ZNF804B: variants seen among roughly 807,000 people sequenced by gnomAD.
The protein encoded by ZNF804B is zinc finger protein 804B, also known as zinc finger 804B.
Under a neutral mutation model 101.4 loss-of-function variants are expected in ZNF804B, and 80 were observed. The ratio of observed to expected loss-of-function variants is 0.79; its 90% confidence interval spans 0.66 to 0.95. The LOEUF (loss-of-function observed/expected upper bound fraction) is 0.95, where lower values mean the gene tolerates loss of function less well. Ranked by LOEUF, ZNF804B falls within the 40% of genes least tolerant of loss-of-function variation. ZNF804B has a pLI of 0.00. For synonymous variants in ZNF804B, 622 were observed against 558.8 expected (o/e 1.11, Z -1.59); for missense variants, 1,673 against 1,561.9 (o/e 1.07, Z -1.20).
chr7:89,039,817 T>C (rs1295179713), intron 1 of ZNF804B, among the ~76,000 whole-genome samples: 1 of 152,144 alleles, frequency 6.6e-6, no homozygotes, highest in East Asian at 1.9e-4. Context: ...TCTCCTGGAG[T>C]GCATGGTTAC....
intron 1 of ZNF804B, among the ~76,000 whole-genome samples, chr7:88,824,402 C>T (rs987144156): frequency 2.5e-4 from 38 of 152,152 alleles, no homozygotes; most frequent in Non-Finnish European, 1.5e-4. Context: ...GAAGGACATG[C>T]TTCCTGTTCC....
intron 1 of ZNF804B, among the ~76,000 whole-genome samples, chr7:89,044,521 A>T (rs184121182): frequency 6.6e-6 from 1 of 152,280 alleles, no homozygotes; most frequent in East Asian, 1.9e-4. Flanking sequence ...AAGATAAGAA[A>T]ATATGGGAAA....
At chr7:89,106,241 T>C (rs1790134940) in intron 1 of ZNF804B, among the ~76,000 whole-genome samples, 1 of 152,190 alleles carries the variant, frequency 6.6e-6, no homozygotes, top group African/African-American at 2.4e-5. Context: ...ATTTGTGATA[T>C]ATCACTTACT....
chr7:89,230,236 ACT>A lies in ZNF804B; in HGVS notation c.249+11946_249+11947del, dbSNP rs1789168646. 3.3e-5 allele frequency among the ~76,000 whole-genome samples: 5 copies of A among 151,860 alleles called. No individual in the cohort carries two copies. The South Asian group carries it at 1.0e-3, about 32-fold the overall frequency. On this transcript the variant is annotated intron_variant, in intron 2 of 3. Coordinates refer to ENST00000333190, the MANE Select transcript of ZNF804B (RefSeq NM_181646.5). ...TGAAAATCAATGAAACTAAAAGCTG[ACT>A]CTCTTAAAAAGATACAGTTAATGTA...
chr7:89,240,736 C>A (rs1789356132), intron 2 of ZNF804B, among the ~76,000 whole-genome samples: 2 of 151,932 alleles, frequency 1.3e-5, no homozygotes, highest in African/African-American at 4.8e-5. Flanking sequence ...AAATACTAGA[C>A]CATAGTTTCA....
intron 1 of ZNF804B, among the ~76,000 whole-genome samples, chr7:88,987,187 A>G (rs1316397449): frequency 6.6e-6 from 1 of 152,120 alleles, no homozygotes; most frequent in Non-Finnish European, 1.5e-5. Context: ...CAACATCCAC[A>G]TGACCTCAGC....
intron 1 of ZNF804B, among the ~76,000 whole-genome samples, chr7:89,146,010 C>A (rs1790786688): frequency 1.3e-5 from 2 of 152,062 alleles, no homozygotes; most frequent in South Asian, 4.1e-4. Context: ...TTGAATCAGT[C>A]TCCAAATAAA....
intron 1 of ZNF804B, among the ~76,000 whole-genome samples, chr7:89,170,241 G>A (rs1182632422): frequency 1.3e-5 from 2 of 152,038 alleles, no homozygotes; most frequent in African/African-American, 4.8e-5. Flanking sequence ...TTCAAAATAG[G>A]GAAAAATGGA....
At chr7:88,799,433 A>G (rs2115706144) in intron 1 of ZNF804B, among the ~76,000 whole-genome samples, 1 of 152,198 alleles carries the variant, frequency 6.6e-6, no homozygotes, top group Middle Eastern at 3.4e-3. Context: ...TATTCTGTCT[A>G]CCTGGGTAAA....
chr7:88,854,758 C>T (rs1791530150), intron 1 of ZNF804B, among the ~76,000 whole-genome samples: 2 of 111,536 alleles, frequency 1.8e-5, no homozygotes, highest in African/African-American at 3.6e-5. Flanking sequence ...TCCCCCCTCC[C>T]CCGACCCCAC....
chr7:89,243,477 T>G (rs73399116), intron 2 of ZNF804B, among the ~76,000 whole-genome samples: 6,628 of 151,900 alleles, frequency 0.044, 461 homozygotes, highest in African/African-American at 0.15. Context: ...GTTTTTAATA[T>G]TGAGTGTTCA....
intron 1 of ZNF804B, among the ~76,000 whole-genome samples, chr7:88,829,746 A>G (rs975265714): frequency 1.3e-5 from 2 of 152,162 alleles, no homozygotes; most frequent in Non-Finnish European, 2.9e-5. Context: ...AAATGCTAAA[A>G]AGTAAAATAT....
chr7:89,336,442 G>A lies in ZNF804B; in HGVS notation c.3460G>A (p.Glu1154Lys), dbSNP rs770550850. 20 of 1,613,978 alleles carry A rather than the reference G, an allele frequency of 1.2e-5. No homozygotes were observed. Among genetic ancestry groups the A allele is most frequent in the Middle Eastern group, 3.3e-4 (2 of 6,062 alleles). The change falls in exon 4 of 4, where the codon GAA becomes AAA. Residue 1154 changes from glutamate (E) to lysine (K), a missense_variant. Coordinates refer to ENST00000333190, the MANE Select transcript of ZNF804B (RefSeq NM_181646.5). ...ACAGCCCATAACATTTTCTCCTGAC[G>A]AAATAGATAAATATAAGATCCTACA... ...IQQPITFSPD[E>K]IDKYKILQLQ... is the part of the protein sequence containing the mutation.
intron 1 of ZNF804B, among the ~76,000 whole-genome samples, chr7:89,122,077 ATAT>A (rs1299364458): frequency 2.6e-5 from 4 of 151,706 alleles, no homozygotes; most frequent in Non-Finnish European, 5.9e-5. Context: ...AGTAATATAT[ATAT>A]TAAACTACTT....
intron 1 of ZNF804B, among the ~76,000 whole-genome samples, chr7:88,919,346 T>A (rs534855922): frequency 2.6e-5 from 4 of 152,286 alleles, no homozygotes; most frequent in African/African-American, 9.6e-5. Context: ...AAAGAAGTTT[T>A]AATGATTCAT....
At chr7:89,077,888 G>A (rs1250890034) in intron 1 of ZNF804B, among the ~76,000 whole-genome samples, 1 of 151,992 alleles carries the variant, frequency 6.6e-6, no homozygotes, top group Non-Finnish European at 1.5e-5. Context: ...AAAACCGCAA[G>A]GGTTTTTATC....
Position 88,885,702 on chromosome 7 carries a change from C to T in ZNF804B, c.108+125618C>T, listed in dbSNP as rs964853745. 3.3e-5 allele frequency among the ~76,000 whole-genome samples: 5 copies of T among 150,798 alleles called. No homozygotes were observed. The East Asian group carries it at 9.7e-4, about 29-fold the overall frequency. Reference sequence around the variant, plus strand: ...AGTTTTTTACTTTTCATAAGTTTTACTTTTCATAGTTTTCTTAAGATTACT... The same window carrying T: ...AGTTTTTTACTTTTCATAAGTTTTATTTTTCATAGTTTTCTTAAGATTACT... On this transcript the variant is annotated intron_variant, in intron 1 of 3. Coordinates refer to ENST00000333190, the MANE Select transcript of ZNF804B (RefSeq NM_181646.5).
intron 1 of ZNF804B, among the ~76,000 whole-genome samples, chr7:88,898,253 A>AT (rs1297176486): frequency 6.6e-6 from 1 of 151,072 alleles, no homozygotes; most frequent in Non-Finnish European, 1.5e-5. Flanking sequence ...CGCCCAGCTA[A>AT]TTTTTTGTAT....
At chr7:89,224,718 G>GTGTA (rs989465009) in intron 2 of ZNF804B, among the ~76,000 whole-genome samples, 2 of 22,414 alleles carry the variant, frequency 8.9e-5, no homozygotes, top group African/African-American at 2.9e-4. Context: ...AAGTATGTGT[G>GTGTA]TGTGTGTGTG....
Sources: gnomAD v4.1 joint callset for allele counts (sites outside exome capture counted in the v4.1 genomes callset) on GRCh38, gnomAD v4.1.1 for gene constraint, MANE v1.5 for transcripts, NCBI Gene and HGNC (gene_info 2026-07-23, HGNC 2026-07-21) for gene names.